Variants in FGGY observed in about 807,000 individuals in gnomAD.
FGGY encodes the protein FGGY carbohydrate kinase domain containing, also known as FGGY carbohydrate kinase domain-containing protein.
In FGGY, 72 loss-of-function variants were observed where a neutral mutation model predicts 71.3. The ratio of observed to expected loss-of-function variants is 1.01; its 90% CI spans 0.84 to 1.23. FGGY has a LOEUF of 1.23. FGGY is among the 50% of genes most tolerant of loss of function. The pLI is 0.00. For missense variants in FGGY, 668 were observed against 682.3 expected (o/e 0.98, Z 0.23); for synonymous variants, 251 against 250.3 (o/e 1.00, Z -0.02).
intron 7 of FGGY, among the ~76,000 whole-genome samples, chr1:59,542,267 AT>A (rs928580261): frequency 1.3e-5 from 2 of 151,454 alleles, no homozygotes; most frequent in African/African-American, 4.9e-5. Flanking sequence ...CAGAGATTAC[AT>A]TTTTTTTCAA....
intron 3 of FGGY, 21 bp from the exon 4 acceptor site, chr1:59,346,226 T>G: frequency 6.2e-7 from 1 of 1,612,296 alleles, no homozygotes; most frequent in Non-Finnish European, 8.5e-7. Context: ...TCCATCTGCA[T>G]CTCCCTCTCG....
intron 7 of FGGY, among the ~76,000 whole-genome samples, chr1:59,529,266 A>T (rs1334591983): frequency 2.6e-5 from 4 of 152,242 alleles, no homozygotes; most frequent in Non-Finnish European, 5.9e-5. Context: ...AAGGCAAAGA[A>T]AAGACAAAAA....
At chr1:59,699,339 C>G (rs2097690739) in intron 14 of FGGY, 2 of 985,058 alleles carry the variant, frequency 2.0e-6, no homozygotes, top group Non-Finnish European at 2.4e-6. Context: ...TAAATGATGT[C>G]TGCCTTTTGC....
intron 14 of FGGY, among the ~76,000 whole-genome samples, chr1:59,721,909 A>T (rs774461590): frequency 6.6e-6 from 1 of 152,212 alleles, no homozygotes; most frequent in Non-Finnish European, 1.5e-5. Flanking sequence ...GGACAGCAAT[A>T]TCCAATAGTG....
chr1:59,586,730 G>T (rs1426733854), intron 8 of FGGY, among the ~76,000 whole-genome samples: 1 of 152,152 alleles, frequency 6.6e-6, no homozygotes, highest in Non-Finnish European at 1.5e-5. Context: ...GTGGTAGAGA[G>T]GGGGATTTGG....
rs143252216 is a variant in FGGY at position 59,673,697 on chromosome 1, G to A, written c.1418-342G>A. 617 of 246,276 alleles carry A rather than the reference G, an allele frequency of 2.5e-3. 2 individuals are homozygous for A. Among genetic ancestry groups the A allele is most frequent in the Non-Finnish European group, 3.9e-3 (470 of 119,984 alleles). The allele number at this position is 246,276 out of a possible 1,614,324, so 15.3% of individuals were successfully genotyped here. On this transcript the variant is annotated intron_variant, in intron 13 of 15. Coordinates refer to ENST00000303721, the MANE Select transcript of FGGY (RefSeq NM_018291.5). Reference sequence around the variant, plus strand: ...GTCCGATTCATCTCAGTATTCCCTCGGCCAGCAGAGCGCTTAATAAACATC... The same window carrying A: ...GTCCGATTCATCTCAGTATTCCCTCAGCCAGCAGAGCGCTTAATAAACATC...
intron 6 of FGGY, among the ~76,000 whole-genome samples, chr1:59,495,710 C>T (rs1419357067): frequency 2.0e-5 from 3 of 152,000 alleles, no homozygotes; most frequent in Non-Finnish European, 2.9e-5. Flanking sequence ...GGCTAGTTAT[C>T]CCAGCACCAT....
rs149598659 is a variant in FGGY at position 59,582,312 on chromosome 1, G to A, written c.904-25491G>A. On this transcript the variant is annotated intron_variant, in intron 8 of 15. Transcript: ENST00000303721. ...TTTCAGATGCAAAAATTGAGTCCCA[G>A]AAGGGAAAAGGTCTTGGCCATTATT... is the stretch of plus-strand genomic sequence containing the variant. Among the ~76,000 whole-genome samples the A allele has an allele frequency of 3.5e-3, 518 of 150,130 alleles. 61 individuals carry two copies. The highest frequency in any genetic ancestry group is 0.013 in the African/African-American group (500 of 39,786).
intron 12 of FGGY, among the ~76,000 whole-genome samples, chr1:59,663,832 T>TG (rs1449910672): frequency 6.6e-6 from 1 of 152,118 alleles, no homozygotes; most frequent in Admixed American, 6.5e-5. Context: ...ATGTTCAACT[T>TG]GGGAAAAAAA....
chr1:59,653,600 C>G (rs898015309), intron 11 of FGGY, among the ~76,000 whole-genome samples: 2 of 152,244 alleles, frequency 1.3e-5, no homozygotes, highest in Non-Finnish European at 2.9e-5. Flanking sequence ...AATGCCTCGC[C>G]CTGCTTCGGC....
chr1:59,651,882 G>C (rs1047872382), intron 11 of FGGY, among the ~76,000 whole-genome samples: 1 of 151,778 alleles, frequency 6.6e-6, no homozygotes, highest in African/African-American at 2.4e-5. Context: ...ATTTTGCAGC[G>C]GCTGGTACCG....
intron 4 of FGGY, among the ~76,000 whole-genome samples, chr1:59,364,342 G>A (rs926838751): frequency 1.3e-4 from 20 of 152,164 alleles, no homozygotes; most frequent in African/African-American, 4.6e-4. Flanking sequence ...TATCTTCCTG[G>A]CAGTCTGGCT....
chr1:59,627,454 T>TTTTATATA (rs1375687405), intron 10 of FGGY, among the ~76,000 whole-genome samples: 2 of 97,332 alleles, frequency 2.1e-5, no homozygotes, highest in East Asian at 2.7e-4. Context: ...ACTTATGATT[T>TTTTATATA]TATATATATA....
chr1:59,362,572 G>A (rs1252737281), intron 4 of FGGY, among the ~76,000 whole-genome samples: 1 of 152,144 alleles, frequency 6.6e-6, no homozygotes, highest in Non-Finnish European at 1.5e-5. Flanking sequence ...GCTTCTGCCT[G>A]CACTTTTACT....
At chr1:59,473,557 G>A (rs557767017) in intron 6 of FGGY, among the ~76,000 whole-genome samples, 1 of 152,200 alleles carries the variant, frequency 6.6e-6, no homozygotes, top group South Asian at 2.1e-4. Flanking sequence ...GCACAGACAT[G>A]GAGGCATGGA....
At chr1:59,609,740 A>G (rs1222246963) in intron 9 of FGGY, among the ~76,000 whole-genome samples, 1 of 152,248 alleles carries the variant, frequency 6.6e-6, no homozygotes, top group East Asian at 1.9e-4. Flanking sequence ...TTCTTAGTAT[A>G]ATCCTATTTT....
In FGGY at chr1:59,612,197, G is replaced by C. The variant is rs572919739; in HGVS notation, c.1011+4287G>C. 1.1e-4 allele frequency among the ~76,000 whole-genome samples: 16 copies of C among 152,296 alleles called. No homozygotes were observed. The East Asian group carries it at 2.9e-3, about 28-fold the overall frequency. On this transcript the variant is annotated intron_variant, in intron 9 of 15. Transcript: ENST00000303721. ...GCAACTCCAAGACACATAATTGTCA[G>C]ATTCACCAAAGTTGAAATGAAGGAA...
chr1:59,630,867 CT>C (rs2096901926), intron 10 of FGGY, among the ~76,000 whole-genome samples: 2 of 152,190 alleles, frequency 1.3e-5, no homozygotes, highest in South Asian at 4.1e-4. Flanking sequence ...CTTCCAGCTA[CT>C]TTCCTGTATT....
intron 13 of FGGY, among the ~76,000 whole-genome samples, chr1:59,671,530 G>T (rs1423656340): frequency 1.3e-5 from 2 of 152,210 alleles, no homozygotes; most frequent in Non-Finnish European, 2.9e-5. Context: ...CTCAGAGTAG[G>T]TGGAGGGAGG....
Sources: gnomAD v4.1 joint callset for allele counts (sites outside exome capture counted in the v4.1 genomes callset) on GRCh38, gnomAD v4.1.1 for gene constraint, MANE v1.5 for transcripts, NCBI Gene and HGNC (gene_info 2026-07-23, HGNC 2026-07-21) for gene names.